The following MALRD1 variants were observed in gnomAD, a reference collection of about 807,000 sequenced individuals.
MALRD1 encodes MAM and LDL-receptor class A domain-containing protein 1.
A neutral mutation model predicts 242.1 loss-of-function variants in MALRD1; 247 were observed. That is an observed-to-expected ratio of 1.02 (90% CI 0.92 to 1.13). MALRD1 has a LOEUF of 1.13. MALRD1 is among the 50% of genes most tolerant of loss of function. The pLI, the probability that MALRD1 is intolerant of heterozygous loss-of-function variation, is 0.00. For missense variants in MALRD1, 2,989 were observed against 2,533.1 expected, an observed-to-expected ratio of 1.18 and a Z score of -3.86; for synonymous variants, 995 against 866.6, an observed-to-expected ratio of 1.15 and a Z score of -2.60.
At chr10:19,079,295 T>A (rs2358290) in intron 2 of MALRD1, among the ~76,000 whole-genome samples, 43,761 of 151,734 alleles carry the variant, frequency 0.29, 6,396 homozygotes, top group East Asian at 0.35. Context: ...TTTTTCTGAT[T>A]TCATTCTGTT....
chr10:19,592,435 G>A (rs1037028560), intron 33 of MALRD1, among the ~76,000 whole-genome samples: 3 of 152,196 alleles, frequency 2.0e-5, no homozygotes, highest in Non-Finnish European at 2.9e-5. Flanking sequence ...CCCAGGAGGA[G>A]GTGTAACTCT....
At chr10:19,361,689 G>T (rs1844902778) in intron 26 of MALRD1, among the ~76,000 whole-genome samples, 1 of 152,050 alleles carries the variant, frequency 6.6e-6, no homozygotes, top group Non-Finnish European at 1.5e-5. Context: ...TCGGTTTCAT[G>T]GAGAGCCAAT....
intron 34 of MALRD1, among the ~76,000 whole-genome samples, chr10:19,596,992 A>G (rs1430679216): frequency 6.6e-6 from 1 of 152,112 alleles, no homozygotes; most frequent in Non-Finnish European, 1.5e-5. Flanking sequence ...AAGAGTAAAG[A>G]TGAATGAAAG....
chr10:19,338,791 GAT>G (rs142589954), intron 24 of MALRD1, among the ~76,000 whole-genome samples: 2,523 of 151,322 alleles, frequency 0.017, 73 homozygotes, highest in African/African-American at 0.058. Flanking sequence ...GTAAAACTAA[GAT>G]ATTATTGATT....
At chr10:19,591,190 T>G (rs907086095) in intron 33 of MALRD1, among the ~76,000 whole-genome samples, 2 of 152,234 alleles carry the variant, frequency 1.3e-5, no homozygotes, top group Admixed American at 6.5e-5. Flanking sequence ...TTTCACTTAG[T>G]AACCTACATT....
At chr10:19,453,804 A>G (rs1835457167) in intron 29 of MALRD1, among the ~76,000 whole-genome samples, 1 of 151,894 alleles carries the variant, frequency 6.6e-6, no homozygotes, top group African/African-American at 2.4e-5. Context: ...TGAACCAGGG[A>G]GGCAGAGGTT....
rs190284056 is a variant in MALRD1, at chr10:19,118,040, C to G, written c.695-5452C>G. Among the ~76,000 whole-genome samples, 24 of 152,178 alleles carry G rather than the reference C, an allele frequency of 1.6e-4. 1 individual carries two copies. The East Asian group carries it at 4.3e-3, about 27-fold the overall frequency. ...AATAAATAAAAAATATAGTTTATGT[C>G]AAGTGGTGATATTTGCTATGGAGAA... On this transcript the variant is annotated intron_variant, in intron 5 of 39. Transcript: ENST00000454679.
chr10:19,525,435 G>A (rs1764415799), intron 31 of MALRD1, among the ~76,000 whole-genome samples: 1 of 152,016 alleles, frequency 6.6e-6, no homozygotes, highest in South Asian at 2.1e-4. Context: ...TATATATTTG[G>A]CACTCTGATA....
intron 29 of MALRD1, among the ~76,000 whole-genome samples, chr10:19,461,817 C>G (rs997909006): frequency 3.9e-5 from 6 of 152,132 alleles, no homozygotes; most frequent in African/African-American, 1.4e-4. Context: ...GCACCCCAAC[C>G]TGGGTGACAG....
chr10:19,668,766 T>C (rs1340475159), intron 36 of MALRD1, among the ~76,000 whole-genome samples: 1 of 151,986 alleles, frequency 6.6e-6, no homozygotes, highest in Non-Finnish European at 1.5e-5. Context: ...ATTCAACCCC[T>C]TCTCCTCCAA....
chr10:19,098,553 A>G (rs1300877264), intron 4 of MALRD1, among the ~76,000 whole-genome samples: 1 of 152,186 alleles, frequency 6.6e-6, no homozygotes, highest in Non-Finnish European at 1.5e-5. Context: ...TGAGGAAATA[A>G]TTACTCTCAT....
intron 4 of MALRD1, among the ~76,000 whole-genome samples, chr10:19,099,175 C>T (rs563502643): frequency 1.3e-5 from 2 of 152,136 alleles, no homozygotes; most frequent in Admixed American, 6.6e-5. Flanking sequence ...GGCATTCACC[C>T]GTGCAAGCTT....
intron 20 of MALRD1, among the ~76,000 whole-genome samples, chr10:19,282,325 A>G (rs1365126130): frequency 6.6e-6 from 1 of 152,202 alleles, no homozygotes; most frequent in African/African-American, 2.4e-5. Context: ...CTAAATGGTC[A>G]TAGTGGTATG....
intron 18 of MALRD1, among the ~76,000 whole-genome samples, chr10:19,251,096 G>A (rs1839275266): frequency 6.6e-6 from 1 of 151,890 alleles, no homozygotes; most frequent in South Asian, 2.1e-4. Context: ...AGTATGAAAT[G>A]AGACATTTTA....
chr10:19,354,999 T>C (rs1300436894), intron 26 of MALRD1, among the ~76,000 whole-genome samples: 1 of 152,206 alleles, frequency 6.6e-6, no homozygotes, highest in Non-Finnish European at 1.5e-5. Context: ...ATTTGAAATG[T>C]ATTTATAGGA....
intron 29 of MALRD1, among the ~76,000 whole-genome samples, chr10:19,472,756 A>G (rs1836557054): frequency 6.6e-6 from 1 of 151,704 alleles, no homozygotes; most frequent in Non-Finnish European, 1.5e-5. Flanking sequence ...TGTCATTTAT[A>G]ATATTATTTA....
chr10:19,623,470 G>A (rs1839499152), intron 36 of MALRD1, among the ~76,000 whole-genome samples: 2 of 152,112 alleles, frequency 1.3e-5, no homozygotes, highest in South Asian at 4.1e-4. Context: ...CTGTAGTTAT[G>A]GAGGCTGGGA....
At chr10:19,536,561 C>G (rs1834684277) in intron 32 of MALRD1, among the ~76,000 whole-genome samples, 1 of 151,884 alleles carries the variant, frequency 6.6e-6, no homozygotes. Flanking sequence ...TCCCCTATCT[C>G]TCTATATTAA....
chr10:19,099,763 A>AT (rs201815577), intron 4 of MALRD1, among the ~76,000 whole-genome samples: 2,856 of 149,318 alleles, frequency 0.019, 72 homozygotes, highest in African/African-American at 0.061. Flanking sequence ...ATATATATAT[A>AT]TTTTTTTTAA....
Sources: gnomAD v4.1 joint callset for allele counts (sites outside exome capture counted in the v4.1 genomes callset) on GRCh38, gnomAD v4.1.1 for gene constraint, MANE v1.5 for transcripts, NCBI Gene and HGNC (gene_info 2026-07-23, HGNC 2026-07-21) for gene names.